ATAD5: variants seen among roughly 807,000 people sequenced by gnomAD.
ATAD5 encodes ATPase family AAA domain-containing protein 5.
Under a neutral mutation model 176.9 loss-of-function variants are expected in ATAD5, and 58 were observed. The ratio of observed to expected loss-of-function variants is 0.33; its 90% CI spans 0.27 to 0.41. The LOEUF (loss-of-function observed/expected upper bound fraction) is 0.41. Ranked by LOEUF, ATAD5 falls within the 10% of genes least tolerant of loss-of-function variation. The pLI is 1.00. For missense variants in ATAD5, 1,789 were observed against 2,094.1 expected, an observed-to-expected ratio of 0.85 and a Z score of 2.84; for synonymous variants, 640 against 712.6, an observed-to-expected ratio of 0.90 and a Z score of 1.62.
chr17:30,871,677 T>C (rs988876511), intron 14 of ATAD5, among the ~76,000 whole-genome samples: 1 of 152,156 alleles, frequency 6.6e-6, no homozygotes, highest in Non-Finnish European at 1.5e-5. Context: ...AGTTGTTTTT[T>C]CAATTGATTG....
At position 30,840,736 on chromosome 17, in the gene ATAD5, T is replaced by C; in HGVS notation, c.2196T>C (p.Ser732=). 6.2e-7 allele frequency: 1 copy of C among 1,609,256 alleles called. No homozygotes were observed. Reference sequence around the variant, plus strand: ...TAGCGATACCCTTAAGGCGCTCCTCTAGACATCAGACACTTCCTGAAAGGA... The same window carrying C: ...TAGCGATACCCTTAAGGCGCTCCTCCAGACATCAGACACTTCCTGAAAGGA... ...EEIAIPLRRS[S]RHQTLPERKK... The change falls in exon 4 of 23, where the codon TCT becomes TCC. Residue 732 remains serine (S), a synonymous_variant. Coordinates refer to ENST00000321990, the MANE Select transcript of ATAD5 (RefSeq NM_024857.5).
chr17:30,858,146 T>G lies in ATAD5; in HGVS notation c.2794-15T>G, dbSNP rs1228285035. 9 of 1,515,516 alleles carry G rather than the reference T, an allele frequency of 5.9e-6. No homozygotes were observed. Among genetic ancestry groups the G allele is most frequent in the Non-Finnish European group, 8.0e-6 (9 of 1,131,066 alleles). 93.9% of individuals were successfully genotyped at this position (1,515,516 alleles called of 1,614,324 possible). On this transcript the variant is annotated splice_polypyrimidine_tract_variant and intron_variant, in intron 8 of 22. Coordinates refer to ENST00000321990, the MANE Select transcript of ATAD5 (RefSeq NM_024857.5). The stretch of plus-strand genomic sequence containing the variant: ...GATGTTGGTCTGTTATTGTGCATTT[T>G]ATTCTTTATTGCAGTTCATGAGGAC...
chr17:30,856,895 T>G, intron 7 of ATAD5, 60 bp from the exon 8 acceptor site: 3 of 1,398,218 alleles, frequency 2.1e-6, no homozygotes, highest in Non-Finnish European at 2.8e-6. Flanking sequence ...GTATTTGACA[T>G]TCAGTAAATG....
intron 6 of ATAD5, among the ~76,000 whole-genome samples, chr17:30,848,017 G>A (rs1057448856): frequency 2.6e-5 from 4 of 152,154 alleles, no homozygotes; most frequent in South Asian, 2.1e-4. Flanking sequence ...ACCGCGCTCC[G>A]CCTGACTGCT....
intron 17 of ATAD5, among the ~76,000 whole-genome samples, chr17:30,878,518 G>C (rs1567696364): frequency 6.6e-6 from 1 of 151,778 alleles, no homozygotes; most frequent in Non-Finnish European, 1.5e-5. Flanking sequence ...ATCTTCTAAA[G>C]AATTATCACA....
intron 18 of ATAD5, among the ~76,000 whole-genome samples, chr17:30,885,862 C>T (rs888513285): frequency 2.6e-5 from 4 of 151,560 alleles, no homozygotes; most frequent in East Asian, 1.9e-4. Context: ...CTTGAACTCC[C>T]GCCTCGCCCT....
In ATAD5 at chr17:30,892,698, C is replaced by G. The variant is rs541408896; in HGVS notation, c.4350C>G (p.Asp1450Glu). The G allele has an allele frequency of 3.7e-6, 6 of 1,605,846 alleles. No homozygotes were observed. In the East Asian group the frequency reaches 6.8e-5, roughly 18 times the overall value. The part of the protein sequence containing the change: ...YPKNTKKKRV[D>E]LPKCDSGCAE... ...AAAATACTAAAAAGAAACGTGTAGA[C>G]CTTCCAAAATGTGACAGTGGCTGTG... Residue 1450 changes from aspartate (D) to glutamate (E), a missense_variant, in exon 20 of 23, where the codon GAC becomes GAG. This residue lies in a region of ATAD5 where 403 missense variants were observed against 495.1 expected (regional missense o/e 0.81). Coordinates refer to ENST00000321990, the MANE Select transcript of ATAD5 (RefSeq NM_024857.5).
At chr17:30,894,475 C>A in intron 21 of ATAD5, 89 bp from the exon 22 acceptor site, 1 of 1,302,438 alleles carries the variant, frequency 7.7e-7, no homozygotes, top group Non-Finnish European at 1.1e-6. Context: ...TGGTCTAGAC[C>A]AGAGGCAAGG....
At chr17:30,854,872 C>T (rs1032839888) in intron 6 of ATAD5, among the ~76,000 whole-genome samples, 5 of 151,978 alleles carry the variant, frequency 3.3e-5, no homozygotes, top group Non-Finnish European at 7.4e-5. Context: ...GATTCTCGTG[C>T]CTCAGCCACC....
chr17:30,870,239 A>G (rs528356618), intron 14 of ATAD5, among the ~76,000 whole-genome samples: 2 of 152,292 alleles, frequency 1.3e-5, no homozygotes, highest in African/African-American at 4.8e-5. Context: ...CTTACATTTG[A>G]TTCAGTTCTC....
rs2043519100 is a variant in ATAD5 at position 30,892,632 on chromosome 17, A to G, written c.4284A>G (p.Leu1428=). The G allele has an allele frequency of 6.4e-7, 1 of 1,570,878 alleles. No individual in the cohort carries two copies. The highest frequency in any genetic ancestry group is 8.6e-7 in the Non-Finnish European group (1 of 1,164,440). Residue 1428 remains leucine (L), a synonymous_variant, in exon 20 of 23, where the codon CTA becomes CTG. Coordinates refer to ENST00000321990, the MANE Select transcript of ATAD5 (RefSeq NM_024857.5). ...LYRGNSRNVQ[L]VCSEHGLDNK... is the part of the protein sequence containing the mutation. ...GTGGAAATAGCAGAAATGTACAACT[A>G]GTTTGCTCTGAACATGGCCTTGATA... is the stretch of plus-strand genomic sequence containing the variant.
At chr17:30,840,554 T>G (rs1036011001) in intron 3 of ATAD5, 63 bp from the exon 4 acceptor site, 16 of 1,138,106 alleles carry the variant, frequency 1.4e-5, no homozygotes, top group African/African-American at 8.2e-5. Flanking sequence ...TTGTATTTTT[T>G]TCTATTATTA....
chr17:30,891,669 G>A (rs916593651), intron 19 of ATAD5, among the ~76,000 whole-genome samples: 5 of 151,358 alleles, frequency 3.3e-5, no homozygotes, highest in African/African-American at 9.7e-5. Flanking sequence ...CACTGCACCC[G>A]GCTGAAATTA....
At chr17:30,844,267 G>A (rs1341897211) in intron 5 of ATAD5, among the ~76,000 whole-genome samples, 1 of 152,008 alleles carries the variant, frequency 6.6e-6, no homozygotes, top group Non-Finnish European at 1.5e-5. Context: ...GAGTAGCTGG[G>A]ACTACAGGCA....
intron 9 of ATAD5, among the ~76,000 whole-genome samples, chr17:30,859,520 T>G (rs1406975918): frequency 6.6e-6 from 1 of 151,994 alleles, no homozygotes; most frequent in African/African-American, 2.4e-5. Flanking sequence ...CCACCATGCC[T>G]TTCTAATTTT....
At chr17:30,878,135 C>T (rs1052767516) in intron 17 of ATAD5, 39 bp downstream of exon 17, 4 of 1,374,528 alleles carry the variant, frequency 2.9e-6, no homozygotes, top group Non-Finnish European at 4.1e-6. Flanking sequence ...AACAGTTACT[C>T]AAATCTGTAG....
intron 9 of ATAD5, among the ~76,000 whole-genome samples, chr17:30,859,310 C>G (rs1468681608): frequency 6.6e-6 from 1 of 152,130 alleles, no homozygotes; most frequent in Non-Finnish European, 1.5e-5. Context: ...ATTAAAATCT[C>G]CAGCTTGCTT....
At chr17:30,850,866 TA>T in intron 6 of ATAD5, among the ~76,000 whole-genome samples, 5 of 33,022 alleles carry the variant, frequency 1.5e-4, no homozygotes, top group East Asian at 1.5e-3. Context: ...TATATATATA[TA>T]TATTTTTTTT....
At chr17:30,837,428 C>G in intron 3 of ATAD5, 114 bp downstream of exon 3, 2 of 703,556 alleles carry the variant, frequency 2.8e-6, no homozygotes, top group African/African-American at 3.7e-5. Flanking sequence ...TCATGTATTT[C>G]ATAAATTGGT....
Sources: allele counts gnomAD v4.1 joint callset (sites outside exome capture counted in the v4.1 genomes callset), GRCh38; gene constraint gnomAD v4.1.1; regional missense constraint gnomAD v4.1.1; transcripts MANE v1.5; gene names NCBI Gene and HGNC (gene_info 2026-07-23, HGNC 2026-07-21).